Variants in DPF2 observed in about 807,000 individuals in gnomAD.
The protein encoded by DPF2 is double PHD fingers 2.
A neutral mutation model predicts 59.6 loss-of-function variants in DPF2; 10 were observed. The observed-to-expected ratio is 0.17, with a 90% confidence interval of 0.10 to 0.28. The LOEUF is 0.28. Ranked by LOEUF, DPF2 falls within the 10% of genes least tolerant of loss-of-function variation. DPF2 has a pLI of 1.00. For missense variants in DPF2, 315 were observed against 509.4 expected (o/e 0.62, Z 3.67); for synonymous variants, 189 against 190.6 (o/e 0.99, Z 0.07).
chr11:65,333,858 T>A lies in DPF2; in HGVS notation c.-29T>A. 1 of 1,613,648 alleles carries A rather than the reference T, an allele frequency of 6.2e-7. No homozygotes were observed. The highest frequency in any genetic ancestry group is 8.5e-7 in the Non-Finnish European group (1 of 1,179,874). On this transcript the variant is annotated 5_prime_UTR_variant, in exon 1 of 11. Coordinates refer to ENST00000528416, the MANE Select transcript of DPF2 (RefSeq NM_006268.5). ...CCTGCGCGCTGCGGACTGTGGGGCT[T>A]CTCGGCCCGAGGCAGAGGAACAGGG...
intron 6 of DPF2, 30 bp downstream of exon 6, chr11:65,344,099 C>G (rs1212951225): frequency 4.3e-6 from 7 of 1,609,198 alleles, no homozygotes; most frequent in Non-Finnish European, 6.0e-6. Flanking sequence ...GTGGGTAGAC[C>G]TTGCCTTGGA....
chr11:65,348,823 C>T, intron 9 of DPF2, 27 bp from the exon 10 acceptor site: 1 of 1,613,186 alleles, frequency 6.2e-7, no homozygotes, highest in African/African-American at 1.3e-5. Flanking sequence ...ATTCAGTCCC[C>T]ATCCTCTTCC....
intron 1 of DPF2, among the ~76,000 whole-genome samples, chr11:65,338,311 C>A (rs773468597): frequency 2.6e-5 from 4 of 152,184 alleles, no homozygotes; most frequent in African/African-American, 9.7e-5. Flanking sequence ...ATTCTCCCCC[C>A]ACACTTCAGT....
chr11:65,341,256 A>G (rs1247010344), intron 3 of DPF2, 143 bp from the exon 4 acceptor site: 1 of 1,324,064 alleles, frequency 7.6e-7, no homozygotes, highest in African/African-American at 1.5e-5. Context: ...TATGGTGCCA[A>G]GTGAACTAGG....
chr11:65,343,369 C>A, intron 4 of DPF2: 4 of 155,666 alleles, frequency 2.6e-5, no homozygotes, highest in Non-Finnish European at 4.0e-5. Context: ...TTAATTTAAA[C>A]TAGGAGGCGA....
intron 9 of DPF2, 88 bp downstream of exon 9, chr11:65,346,447 A>C (rs1226840591): frequency 8.1e-7 from 1 of 1,228,082 alleles, no homozygotes; most frequent in Non-Finnish European, 1.1e-6. Context: ...GCTTTCTTTT[A>C]AAAAGGGAGC....
rs1590926649 is a variant in DPF2, at chr11:65,333,916, G to T, written c.30G>T (p.Lys10Asn). The T allele has an allele frequency of 1.2e-6, 2 of 1,614,052 alleles. No homozygotes were observed. Among genetic ancestry groups the T allele is most frequent in the East Asian group, 2.2e-5 (1 of 44,866 alleles). Reference protein sequence around the residue: MAAVVENVVKLLGEQYYKDA... With the variant: MAAVVENVVNLLGEQYYKDA... ...CGGCTGTGGTGGAGAATGTAGTGAA[G>T]CTGTGAGTGGTCGTTTCTTTCTCTC... Residue 10 changes from lysine to asparagine, a missense_variant and splice_region_variant, in exon 1 of 11, where the codon AAG becomes AAT. Lys to Asn is a moderately conservative substitution (Grantham distance 94, BLOSUM62 0). Around this residue, in one of 4 missense-constraint regions of DPF2, gnomAD observed 228 missense variants for 275.3 expected, o/e 0.83. Transcript: ENST00000528416.
chr11:65,345,404 C>G (rs371126081), intron 6 of DPF2: 6 of 500,362 alleles, frequency 1.2e-5, no homozygotes, highest in Non-Finnish European at 2.2e-5. Context: ...GCTAAGCCCC[C>G]CAAAAGTCAA....
chr11:65,335,001 C>T (rs1455225400), intron 1 of DPF2, among the ~76,000 whole-genome samples: 4 of 152,062 alleles, frequency 2.6e-5, no homozygotes, highest in African/African-American at 7.2e-5. Context: ...GTTGCTTCTC[C>T]CTCCTGCCTG....
At chr11:65,334,788 A>ATAGAG (rs1434163467) in intron 1 of DPF2, among the ~76,000 whole-genome samples, 1 of 152,186 alleles carries the variant, frequency 6.6e-6, no homozygotes, top group Non-Finnish European at 1.5e-5. Flanking sequence ...TGGTGGGCGA[A>ATAGAG]TAGAGCTTCT....
chr11:65,346,564 G>A, intron 9 of DPF2: 1 of 530,198 alleles, frequency 1.9e-6, no homozygotes, highest in African/African-American at 1.9e-5. Context: ...CACTGTTCTA[G>A]TCACTAAAGA....
At chr11:65,341,200 C>T (rs555684892) in intron 3 of DPF2, 127 bp downstream of exon 3, 1 of 1,260,286 alleles carries the variant, frequency 7.9e-7, no homozygotes, top group South Asian at 1.4e-5. Context: ...TGATTCTTTC[C>T]TTTAAGGACC....
rs1234964930 is a variant in DPF2 at position 65,345,768 on chromosome 11, C to T, written c.740C>T (p.Pro247Leu). The T allele has an allele frequency of 7.4e-6, 12 of 1,613,958 alleles. No individual in the cohort carries two copies. Among genetic ancestry groups the T allele is most frequent in the Non-Finnish European group, 1.0e-5 (12 of 1,180,036 alleles). ...EGEDKEDSQPPTPVSQRSEEQ... is the reference protein window; with the variant it reads ...EGEDKEDSQPLTPVSQRSEEQ... ...GAGGACAAGGAAGACTCTCAACCACCCACTCCTGTTTCCCAGAGGTCTGAG... is the reference window on the plus strand; with the variant it reads ...GAGGACAAGGAAGACTCTCAACCACTCACTCCTGTTTCCCAGAGGTCTGAG... The change falls in exon 7 of 11, where the codon CCC (proline) becomes CTC (leucine). Residue 247 changes from proline (P) to leucine (L), a missense_variant. By Grantham distance (98) the Pro-to-Leu change is moderately conservative. Coordinates refer to ENST00000528416, the MANE Select transcript of DPF2 (RefSeq NM_006268.5).
intron 1 of DPF2, among the ~76,000 whole-genome samples, chr11:65,338,803 G>A (rs939207046): frequency 2.6e-5 from 4 of 152,208 alleles, no homozygotes; most frequent in African/African-American, 9.7e-5. Flanking sequence ...GAAGGACCCT[G>A]TCACATTCTA....
rs1444461692 is a variant in DPF2 at position 65,346,464 on chromosome 11, C to A, written c.1017+105C>A. ...TTTCTTTTAAAAAGGGAGCAGGATC[C>A]CTCCCACATGCCACACGCCCCTCCC... On this transcript the variant is annotated intron_variant, in intron 9 of 10. Transcript: ENST00000528416. 15 of 1,002,224 alleles carry A rather than the reference C, an allele frequency of 1.5e-5. No individual in the cohort carries two copies. The East Asian group carries it at 3.9e-4, about 26-fold the overall frequency. The allele number at this position is 1,002,224 out of a possible 1,614,324, so 62.1% of individuals were successfully genotyped here.
intron 4 of DPF2, chr11:65,343,433 G>A (rs1038222234): frequency 2.8e-6 from 1 of 351,366 alleles, no homozygotes; most frequent in Non-Finnish European, 5.2e-6. Context: ...ATCAGAGGCA[G>A]GAGAGGGCAT....
chr11:65,346,458 A>G (rs778013466), intron 9 of DPF2, 99 bp downstream of exon 9: 4 of 1,084,896 alleles, frequency 3.7e-6, no homozygotes, highest in Non-Finnish European at 5.3e-6. Context: ...AAAAGGGAGC[A>G]GGATCCCTCC....
At chr11:65,339,740 A>G (rs1854308116) in intron 1 of DPF2, among the ~76,000 whole-genome samples, 1 of 152,160 alleles carries the variant, frequency 6.6e-6, no homozygotes, top group African/African-American at 2.4e-5. Context: ...CATAAATGAT[A>G]GTTTTATTTG....
intron 1 of DPF2, among the ~76,000 whole-genome samples, chr11:65,335,815 T>C (rs1288018244): frequency 6.6e-6 from 1 of 151,938 alleles, no homozygotes; most frequent in Non-Finnish European, 1.5e-5. Context: ...CATCTTTTCT[T>C]TTTTTTTATT....
Sources: gnomAD v4.1 joint callset for allele counts (sites outside exome capture counted in the v4.1 genomes callset) on GRCh38, gnomAD v4.1.1 for gene constraint, gnomAD v4.1.1 regional missense constraint, MANE v1.5 for transcripts, NCBI Gene and HGNC (gene_info 2026-07-23, HGNC 2026-07-21) for gene names.